The following GPM6A variants were observed in gnomAD, a reference collection of about 807,000 sequenced individuals.
GPM6A encodes the protein glycoprotein M6A.
GPM6A carries 7 observed loss-of-function variants against 32.1 expected under a neutral mutation model. The ratio of observed to expected loss-of-function variants is 0.22; its 90% confidence interval spans 0.12 to 0.41. GPM6A has a LOEUF of 0.41. Among genes scored for constraint, GPM6A ranks in the 10% least tolerant of loss-of-function variants. The pLI, the probability that GPM6A is intolerant of heterozygous loss-of-function variation, is 1.00. For synonymous variants in GPM6A, 130 were observed against 123.4 expected (o/e 1.05, Z -0.35); for missense variants, 235 against 347.2 (o/e 0.68, Z 2.57).
At chr4:175,794,329 A>C (rs1326490481) in intron 1 of GPM6A, among the ~76,000 whole-genome samples, 1 of 152,230 alleles carries the variant, frequency 6.6e-6, no homozygotes. Context: ...TAATTTCTTT[A>C]GATTTACACA....
At chr4:175,965,617 T>C (rs866683450) in intron 1 of GPM6A, among the ~76,000 whole-genome samples, 2,284 of 149,498 alleles carry the variant, frequency 0.015, 51 homozygotes, top group African/African-American at 0.053. Context: ...TTTCTCTCTT[T>C]TTTTTTTTTT....
At chr4:175,674,635 A>C (rs1743260135) in intron 2 of GPM6A, among the ~76,000 whole-genome samples, 1 of 152,238 alleles carries the variant, frequency 6.6e-6, no homozygotes, top group African/African-American at 2.4e-5. Flanking sequence ...AAATGATACA[A>C]ATTCCATATT....
At chr4:175,654,742 A>T (rs901012590) in intron 3 of GPM6A, among the ~76,000 whole-genome samples, 3 of 152,106 alleles carry the variant, frequency 2.0e-5, no homozygotes, top group Admixed American at 2.0e-4. Context: ...GGGGGAAAAA[A>T]TCTTTTTTAT....
upstream of GPM6A, chr4:175,812,587 G>A: frequency 9.8e-7 from 1 of 1,019,528 alleles, no homozygotes; most frequent in Non-Finnish European, 1.2e-6. Flanking sequence ...GAGACACTAT[G>A]ATTCACAAGT....
intron 2 of GPM6A, among the ~76,000 whole-genome samples, chr4:175,678,270 G>A (rs1015988451): frequency 2.6e-5 from 4 of 152,224 alleles, no homozygotes; most frequent in Admixed American, 2.0e-4. Context: ...ATGGTGTGTG[G>A]AAAAGTATGT....
chr4:175,825,108 AAAG>A (rs1170246789), intron 1 of GPM6A, among the ~76,000 whole-genome samples: 25 of 152,326 alleles, frequency 1.6e-4, no homozygotes, highest in African/African-American at 5.3e-4. Context: ...TGTAGCCCAT[AAAG>A]AATCTTGAAT....
intron 1 of GPM6A, chr4:175,970,927 C>G (rs115861590): frequency 2.2e-6 from 1 of 455,984 alleles, no homozygotes; most frequent in African/African-American, 2.0e-5. Context: ...AACTGAAGAA[C>G]ACAGGGTGCG....
chr4:175,759,064 C>A (rs1028233858), intron 1 of GPM6A, among the ~76,000 whole-genome samples: 4 of 152,116 alleles, frequency 2.6e-5, no homozygotes, highest in Admixed American at 1.3e-4. Context: ...TTAGTTCATG[C>A]AATCAGCCAT....
chr4:175,864,423 CTCCAACT>C (rs200946859), intron 1 of GPM6A, among the ~76,000 whole-genome samples: 4,703 of 152,250 alleles, frequency 0.031, 213 homozygotes, highest in African/African-American at 0.11. Flanking sequence ...CCACATTTGC[CTCCAACT>C]TCCAAAGTGC....
At chr4:175,937,603 A>G (rs1453925622) in intron 1 of GPM6A, among the ~76,000 whole-genome samples, 1 of 152,146 alleles carries the variant, frequency 6.6e-6, no homozygotes, top group Non-Finnish European at 1.5e-5. Context: ...ATGAAACCTT[A>G]AAGTATCCAG....
chr4:175,705,764 A>C (rs890269879), intron 1 of GPM6A, among the ~76,000 whole-genome samples: 13 of 152,188 alleles, frequency 8.5e-5, no homozygotes, highest in Non-Finnish European at 1.8e-4. Flanking sequence ...CACTGTATTA[A>C]ATGAATATTA....
At chr4:175,996,646 G>C (rs147426991) in intron 1 of GPM6A, among the ~76,000 whole-genome samples, 2 of 152,214 alleles carry the variant, frequency 1.3e-5, no homozygotes, top group African/African-American at 4.8e-5. Context: ...TTTCCACCCA[G>C]GCATGAATTT....
chr4:175,900,993 T>A (rs532225238), intron 1 of GPM6A, among the ~76,000 whole-genome samples: 37 of 152,064 alleles, frequency 2.4e-4, no homozygotes, highest in Admixed American at 4.6e-4. Flanking sequence ...GAGCTGGAGA[T>A]TACTATGTTA....
intron 1 of GPM6A, among the ~76,000 whole-genome samples, chr4:175,875,552 A>T (rs1339216025): frequency 6.6e-6 from 1 of 152,216 alleles, no homozygotes; most frequent in Non-Finnish European, 1.5e-5. Flanking sequence ...AATGAACTAC[A>T]TGATGACTAT....
chr4:175,877,610 C>G (rs188779321), intron 1 of GPM6A, among the ~76,000 whole-genome samples: 2 of 152,252 alleles, frequency 1.3e-5, no homozygotes, highest in South Asian at 2.1e-4. Context: ...CACATCAGAA[C>G]AGCATGGGGG....
chr4:175,740,656 C>T (rs1042190483), intron 1 of GPM6A, among the ~76,000 whole-genome samples: 30 of 151,956 alleles, frequency 2.0e-4, no homozygotes, highest in African/African-American at 6.0e-4. Context: ...CATCAACTAG[C>T]GAGATGAATA....
chr4:175,909,484 C>G (rs1226265902), intron 1 of GPM6A, among the ~76,000 whole-genome samples: 2 of 151,968 alleles, frequency 1.3e-5, no homozygotes, highest in African/African-American at 4.8e-5. Context: ...TAAATAAATT[C>G]CTTAATGGTA....
intron 1 of GPM6A, among the ~76,000 whole-genome samples, chr4:175,795,154 A>C (rs1485769514): frequency 6.6e-6 from 1 of 152,186 alleles, no homozygotes; most frequent in Non-Finnish European, 1.5e-5. Flanking sequence ...ATGACCTGTA[A>C]ACTTCTAGCT....
At chr4:175,671,994 A>AAG (rs1743103365) in intron 3 of GPM6A, among the ~76,000 whole-genome samples, 3 of 147,248 alleles carry the variant, frequency 2.0e-5, no homozygotes, top group East Asian at 2.1e-4. Flanking sequence ...GAAAAAAAAA[A>AAG]AAAGAAAGAA....
Sources: allele counts gnomAD v4.1 joint callset (sites outside exome capture counted in the v4.1 genomes callset), GRCh38; gene constraint gnomAD v4.1.1; transcripts MANE v1.5; gene names NCBI Gene and HGNC (gene_info 2026-07-23, HGNC 2026-07-21).